GAB2: variants seen among roughly 807,000 people sequenced by gnomAD.
The protein encoded by GAB2 is GRB2 associated binding protein 2.
In GAB2, 26 loss-of-function variants were observed where a neutral mutation model predicts 65.5. The observed-to-expected ratio is 0.40, with a 90% CI of 0.29 to 0.55. The LOEUF is 0.55. GAB2 is among the 20% of genes least tolerant of loss of function. The pLI, the probability that GAB2 is intolerant of heterozygous loss-of-function variation, is 0.53. For missense variants in GAB2, 884 were observed against 875.8 expected (o/e 1.01, Z -0.12); for synonymous variants, 321 against 329.6 (o/e 0.97, Z 0.28).
chr11:78,367,821 C>CTTTT (rs569887849), intron 1 of GAB2, among the ~76,000 whole-genome samples: 25 of 116,084 alleles, frequency 2.2e-4, no homozygotes, highest in African/African-American at 3.9e-4. Context: ...TTTTCTTTTT[C>CTTTT]TTTTTTTTTT....
At chr11:78,355,038 A>G (rs1856337266) in intron 1 of GAB2, among the ~76,000 whole-genome samples, 1 of 152,240 alleles carries the variant, frequency 6.6e-6, no homozygotes, top group Non-Finnish European at 1.5e-5. Flanking sequence ...AACCACCTTT[A>G]TGACATTTCA....
intron 1 of GAB2, among the ~76,000 whole-genome samples, chr11:78,355,962 CAGG>C (rs1160185396): frequency 6.6e-6 from 1 of 151,786 alleles, no homozygotes; most frequent in Non-Finnish European, 1.5e-5. Context: ...CACTTGAGGT[CAGG>C]AGTTCAAGAC....
chr11:78,258,288 G>A (rs1865646640), intron 2 of GAB2, among the ~76,000 whole-genome samples: 1 of 151,990 alleles, frequency 6.6e-6, no homozygotes, highest in African/African-American at 2.4e-5. Flanking sequence ...GAGACAGAAG[G>A]GTTAGGGTCT....
At chr11:78,417,595 A>G (rs1392451146) in intron 1 of GAB2, 51 bp downstream of exon 1, 2 of 935,832 alleles carry the variant, frequency 2.1e-6, no homozygotes, top group South Asian at 2.2e-5. Context: ...GCCCCTCCGC[A>G]GGCCCCGGAG....
intron 3 of GAB2, among the ~76,000 whole-genome samples, chr11:78,247,754 A>G (rs1865337553): frequency 6.6e-6 from 1 of 152,214 alleles, no homozygotes; most frequent in Admixed American, 6.5e-5. Flanking sequence ...GTTTAGCATG[A>G]TGCGAGCAAC....
chr11:78,367,509 C>T (rs1260984397), intron 1 of GAB2, among the ~76,000 whole-genome samples: 2 of 152,282 alleles, frequency 1.3e-5, no homozygotes, highest in East Asian at 1.9e-4. Flanking sequence ...GGACATTTTA[C>T]GGATTTTATG....
At chr11:78,415,735 C>A (rs1444586017) in intron 1 of GAB2, among the ~76,000 whole-genome samples, 1 of 152,154 alleles carries the variant, frequency 6.6e-6, no homozygotes, top group Non-Finnish European at 1.5e-5. Flanking sequence ...AGGTGCTTGA[C>A]CCAAATGCCT....
intron 1 of GAB2, among the ~76,000 whole-genome samples, chr11:78,344,310 AG>A (rs1280063755): frequency 6.6e-6 from 1 of 152,220 alleles, no homozygotes; most frequent in African/African-American, 2.4e-5. Flanking sequence ...AAGTGATCTT[AG>A]TCATAAGGTA....
At chr11:78,251,281 C>G (rs1865448360) in intron 2 of GAB2, among the ~76,000 whole-genome samples, 1 of 152,178 alleles carries the variant, frequency 6.6e-6, no homozygotes, top group Non-Finnish European at 1.5e-5. Flanking sequence ...TCCCTTAATA[C>G]TGGACTCCAG....
chr11:78,376,031 A>T (rs1442191137), intron 1 of GAB2, among the ~76,000 whole-genome samples: 1 of 152,234 alleles, frequency 6.6e-6, no homozygotes, highest in Non-Finnish European at 1.5e-5. Flanking sequence ...TTAAACTTGC[A>T]TGTGCAAAAG....
At chr11:78,300,953 C>G (rs1051728595) in intron 1 of GAB2, among the ~76,000 whole-genome samples, 6 of 152,104 alleles carry the variant, frequency 3.9e-5, no homozygotes, top group Admixed American at 1.3e-4. Flanking sequence ...CCTTGGCCTC[C>G]CAAAGTGCTG....
chr11:78,351,346 G>T (rs371135634), intron 1 of GAB2, among the ~76,000 whole-genome samples: 6 of 152,104 alleles, frequency 3.9e-5, no homozygotes, highest in African/African-American at 1.4e-4. Context: ...ACTGCTCTAG[G>T]GGGCAGGGGA....
intron 1 of GAB2, among the ~76,000 whole-genome samples, chr11:78,330,645 T>C (rs557022540): frequency 3.3e-5 from 5 of 152,208 alleles, no homozygotes; most frequent in East Asian, 1.9e-4. Context: ...TAAAACCAAA[T>C]AGTGACTATA....
At chr11:78,408,418 T>C (rs955698368) in intron 1 of GAB2, among the ~76,000 whole-genome samples, 4 of 151,994 alleles carry the variant, frequency 2.6e-5, no homozygotes, top group South Asian at 2.1e-4. Context: ...AAACACTATA[T>C]AGATAAATCA....
chr11:78,318,645 G>A (rs1209554927), intron 1 of GAB2, among the ~76,000 whole-genome samples: 1 of 152,112 alleles, frequency 6.6e-6, no homozygotes, highest in Non-Finnish European at 1.5e-5. Flanking sequence ...GGAATGGTAC[G>A]CAAACTCCAG....
intron 1 of GAB2, among the ~76,000 whole-genome samples, chr11:78,305,407 AG>A (rs557098693): frequency 8.7e-4 from 133 of 152,346 alleles, no homozygotes; most frequent in African/African-American, 3.1e-3. Flanking sequence ...AATGGAGATC[AG>A]GGCTTTAGAC....
At chr11:78,359,335 G>C (rs1405538522) in intron 1 of GAB2, among the ~76,000 whole-genome samples, 1 of 152,126 alleles carries the variant, frequency 6.6e-6, no homozygotes, top group Non-Finnish European at 1.5e-5. Context: ...CATTAAAAGA[G>C]AAACAAGAGA....
intron 1 of GAB2, among the ~76,000 whole-genome samples, chr11:78,330,211 A>G (rs1855892167): frequency 6.6e-6 from 1 of 152,170 alleles, no homozygotes; most frequent in Non-Finnish European, 1.5e-5. Flanking sequence ...CTTAAACTAG[A>G]ACATGCAGCT....
chr11:78,302,611 C>G (rs1867059530), intron 1 of GAB2, among the ~76,000 whole-genome samples: 2 of 152,032 alleles, frequency 1.3e-5, no homozygotes, highest in Non-Finnish European at 2.9e-5. Flanking sequence ...CTATGGAAAA[C>G]AGTGTGAAGA....
Sources: allele counts gnomAD v4.1 joint callset (sites outside exome capture counted in the v4.1 genomes callset), GRCh38; gene constraint gnomAD v4.1.1; transcripts MANE v1.5; gene names NCBI Gene and HGNC (gene_info 2026-07-23, HGNC 2026-07-21).